The following SQOR variants were observed in gnomAD, a reference collection of about 807,000 sequenced individuals.
The protein encoded by SQOR is sulfide:quinone oxidoreductase, mitochondrial.
SQOR carries 39 observed loss-of-function variants against 48.6 expected under a neutral mutation model. That is an observed-to-expected ratio of 0.80 (90% confidence interval 0.62 to 1.05). The LOEUF (loss-of-function observed/expected upper bound fraction) is 1.05, where lower values mean the gene tolerates loss of function less well. Among genes scored for constraint, SQOR ranks in the 50% least tolerant of loss-of-function variants. The pLI, the probability that SQOR is intolerant of heterozygous loss-of-function variation, is 0.00. For missense variants in SQOR, 561 were observed against 559.9 expected, an observed-to-expected ratio of 1.00 and a Z score of -0.02; for synonymous variants, 220 against 206.2, an observed-to-expected ratio of 1.07 and a Z score of -0.57.
At chr15:45,669,142 T>C (rs932436947) in intron 3 of SQOR, among the ~76,000 whole-genome samples, 9 of 148,324 alleles carry the variant, frequency 6.1e-5, no homozygotes, top group East Asian at 2.0e-4. Flanking sequence ...TATACTAATA[T>C]ATATTTTTTA....
At chr15:45,649,327 T>G (rs1195481308) in intron 1 of SQOR, among the ~76,000 whole-genome samples, 1 of 152,216 alleles carries the variant, frequency 6.6e-6, no homozygotes, top group East Asian at 1.9e-4. Flanking sequence ...TATCAAAGCA[T>G]TCATTCCCAT....
chr15:45,656,378 T>C (rs1889611532), intron 1 of SQOR, among the ~76,000 whole-genome samples: 1 of 152,172 alleles, frequency 6.6e-6, no homozygotes, highest in Admixed American at 6.5e-5. Flanking sequence ...CAGATCACTG[T>C]GGCCTTCACC....
chr15:45,665,309 G>A (rs1889793883), intron 3 of SQOR, among the ~76,000 whole-genome samples: 2 of 152,132 alleles, frequency 1.3e-5, no homozygotes, highest in African/African-American at 2.4e-5. Context: ...GAAGCAAAAC[G>A]ACTTCATAGC....
At position 45,669,950 on chromosome 15, in the gene SQOR, T is replaced by C. The variant is rs756706889; in HGVS notation, c.428T>C (p.Ile143Thr). The C allele has an allele frequency of 6.2e-7, 1 of 1,614,164 alleles. No individual in the cohort carries two copies. Among genetic ancestry groups the C allele is most frequent in the South Asian group, 1.1e-5 (1 of 91,084 alleles). The change falls in exon 4 of 10, where the codon ATT (isoleucine) becomes ACT (threonine). Residue 143 changes from isoleucine (I) to threonine (T), a missense_variant. Ile to Thr is a moderately conservative substitution (Grantham distance 89). Coordinates refer to ENST00000260324, the MANE Select transcript of SQOR (RefSeq NM_021199.4). ...DEKISYRYLI[I>T]ALGIQLDYEK... ...CAGATCTCCTACCGATATCTTATTA[T>C]TGCTCTCGGAATCCAGCTGGACTAT...
intron 4 of SQOR, among the ~76,000 whole-genome samples, chr15:45,671,316 G>A (rs879615926): frequency 3.9e-5 from 6 of 152,068 alleles, no homozygotes; most frequent in African/African-American, 9.7e-5. Context: ...CACCATGCCC[G>A]GCTAATTTTT....
At chr15:45,647,927 CAAAAT>C (rs556789764) in intron 1 of SQOR, among the ~76,000 whole-genome samples, 4 of 151,984 alleles carry the variant, frequency 2.6e-5, no homozygotes, top group East Asian at 1.9e-4. Flanking sequence ...GTCTCAAAAA[CAAAAT>C]AAAATAAAAT....
intron 7 of SQOR, among the ~76,000 whole-genome samples, chr15:45,684,914 C>T (rs1225451587): frequency 6.6e-6 from 1 of 152,146 alleles, no homozygotes; most frequent in Admixed American, 6.6e-5. Context: ...GAGGGAGCAT[C>T]CCCATTGTTT....
chr15:45,666,392 G>A (rs1018540377), intron 3 of SQOR, among the ~76,000 whole-genome samples: 1 of 152,088 alleles, frequency 6.6e-6, no homozygotes, highest in Non-Finnish European at 1.5e-5. Flanking sequence ...TTTATGCCCA[G>A]GACCTAGCAC....
chr15:45,681,264 C>T (rs1298005878), intron 6 of SQOR, among the ~76,000 whole-genome samples: 1 of 152,202 alleles, frequency 6.6e-6, no homozygotes, highest in African/African-American at 2.4e-5. Flanking sequence ...TAGATGATAG[C>T]TGTTGACCAT....
intron 1 of SQOR, among the ~76,000 whole-genome samples, chr15:45,656,601 G>A (rs1889616196): frequency 1.3e-5 from 2 of 151,928 alleles, no homozygotes; most frequent in Admixed American, 6.6e-5. Flanking sequence ...CAATATTAAT[G>A]TATGTGTATA....
At chr15:45,688,614 C>T (rs910167336) in intron 8 of SQOR, among the ~76,000 whole-genome samples, 24 of 151,700 alleles carry the variant, frequency 1.6e-4, no homozygotes, top group African/African-American at 5.3e-4. Context: ...TGGGTTCAAG[C>T]GATTCTCCTG....
At chr15:45,650,069 A>C (rs1326138382) in intron 1 of SQOR, among the ~76,000 whole-genome samples, 1 of 149,530 alleles carries the variant, frequency 6.7e-6, no homozygotes, top group East Asian at 2.0e-4. Context: ...TCTTTAACTC[A>C]TGACCTCAAG....
chr15:45,676,183 T>G lies in SQOR; in HGVS notation c.737T>G (p.Leu246Arg). ...GGGGTTAAGAAGTATGCAGATGCCC[T>G]GCAGGAGATCATCCAGGAGCGGAAC... ...IFGVKKYADA[L>R]QEIIQERNLT... Residue 246 changes from leucine to arginine, a missense_variant, in exon 6 of 10, where the codon CTG (leucine) becomes CGG (arginine). Leu to Arg is a moderately radical substitution (Grantham distance 102). Coordinates refer to ENST00000260324, the MANE Select transcript of SQOR (RefSeq NM_021199.4). 1 of 1,614,178 alleles carries G rather than the reference T, an allele frequency of 6.2e-7. No individual in the cohort carries two copies. The highest frequency in any genetic ancestry group is 8.5e-7 in the Non-Finnish European group (1 of 1,180,034).
Position 45,691,177 on chromosome 15 carries a change from T to C in SQOR, c.*147T>C. ...GGTGACCAAATGCCTCCCTTTTCAGTACCTTTGAACAGCAACCATGTGGGC... is the reference window on the plus strand; with the variant it reads ...GGTGACCAAATGCCTCCCTTTTCAGCACCTTTGAACAGCAACCATGTGGGC... On this transcript the variant is annotated 3_prime_UTR_variant, in exon 10 of 10. Coordinates refer to ENST00000260324, the MANE Select transcript of SQOR (RefSeq NM_021199.4). 1.4e-6 allele frequency: 1 copy of C among 721,374 alleles called. No individual in the cohort carries two copies. Among genetic ancestry groups the C allele is most frequent in the South Asian group, 1.6e-5 (1 of 63,348 alleles). The allele number at this position is 721,374 out of a possible 1,614,324, so 44.7% of individuals were successfully genotyped here.
At chr15:45,650,808 A>T (rs1889469953) in intron 1 of SQOR, among the ~76,000 whole-genome samples, 1 of 152,190 alleles carries the variant, frequency 6.6e-6, no homozygotes. Flanking sequence ...GTGTATCTAC[A>T]ATCCCTTAGC....
At chr15:45,648,423 A>C (rs1008910378) in intron 1 of SQOR, among the ~76,000 whole-genome samples, 2 of 152,006 alleles carry the variant, frequency 1.3e-5, no homozygotes, top group African/African-American at 2.4e-5. Flanking sequence ...TGATCCGCCC[A>C]CCTTGGCCTC....
At chr15:45,674,502 G>C (rs1391019698) in intron 5 of SQOR, among the ~76,000 whole-genome samples, 3 of 151,520 alleles carry the variant, frequency 2.0e-5, no homozygotes, top group Non-Finnish European at 4.4e-5. Context: ...TTTCCATATA[G>C]TTAGACAATT....
upstream of SQOR, among the ~76,000 whole-genome samples, chr15:45,633,485 G>T (rs183972191): frequency 1.4e-4 from 22 of 151,736 alleles, 2 homozygotes; most frequent in African/African-American, 4.8e-4. Flanking sequence ...CACTTGGTCA[G>T]GAGTTCAAGA....
At chr15:45,664,404 T>A (rs1422014619) in intron 3 of SQOR, among the ~76,000 whole-genome samples, 1 of 152,226 alleles carries the variant, frequency 6.6e-6, no homozygotes, top group Non-Finnish European at 1.5e-5. Flanking sequence ...ATGGCTCTTA[T>A]GTTTTATGTA....
Sources: gnomAD v4.1 joint callset for allele counts (sites outside exome capture counted in the v4.1 genomes callset) on GRCh38, gnomAD v4.1.1 for gene constraint, MANE v1.5 for transcripts, NCBI Gene and HGNC (gene_info 2026-07-23, HGNC 2026-07-21) for gene names.